ZHX2: variants seen among roughly 807,000 people sequenced by gnomAD.
The protein encoded by ZHX2 is zinc fingers and homeoboxes 2, also known as zinc fingers and homeoboxes protein 2.
A neutral mutation model predicts 21.9 loss-of-function variants in ZHX2; 6 were observed. The ratio of observed to expected loss-of-function variants is 0.27; its 90% CI spans 0.15 to 0.54. The LOEUF (loss-of-function observed/expected upper bound fraction) is 0.54, where lower values mean the gene tolerates loss of function less well. Ranked by LOEUF, ZHX2 falls within the 20% of genes least tolerant of loss-of-function variation. The pLI, the probability that ZHX2 is intolerant of heterozygous loss-of-function variation, is 0.95. For missense variants in ZHX2, 908 were observed against 1,090.7 expected, an observed-to-expected ratio of 0.83 and a Z score of 2.36; for synonymous variants, 434 against 437.1, an observed-to-expected ratio of 0.99 and a Z score of 0.09.
At chr8:122,960,613 C>T (rs1033625040) in intron 3 of ZHX2, among the ~76,000 whole-genome samples, 26 of 152,070 alleles carry the variant, frequency 1.7e-4, no homozygotes, top group Admixed American at 1.3e-4. Flanking sequence ...GACCAACATG[C>T]AGGAGCATGC....
At chr8:122,833,771 T>C (rs1049529292) in intron 1 of ZHX2, among the ~76,000 whole-genome samples, 4 of 151,562 alleles carry the variant, frequency 2.6e-5, no homozygotes, top group Admixed American at 1.3e-4. Flanking sequence ...CCGAGGCGGG[T>C]GGATCACGAG....
intron 3 of ZHX2, among the ~76,000 whole-genome samples, chr8:122,969,750 TAATC>T (rs894855315): frequency 1.3e-5 from 2 of 152,180 alleles, no homozygotes; most frequent in African/African-American, 4.8e-5. Flanking sequence ...TATGGAGAGA[TAATC>T]AATCACTCTC....
chr8:122,961,259 C>T (rs1206750567), intron 3 of ZHX2, among the ~76,000 whole-genome samples: 1 of 152,278 alleles, frequency 6.6e-6, no homozygotes, highest in African/African-American at 2.4e-5. Flanking sequence ...TCTTCTTTTT[C>T]TTGTAAGGAC....
intron 1 of ZHX2, among the ~76,000 whole-genome samples, chr8:122,793,326 C>G (rs1292507097): frequency 6.6e-6 from 1 of 152,198 alleles, no homozygotes. Context: ...ACTGGACATC[C>G]AGGCCCTCTT....
chr8:122,832,364 T>G (rs551002911), intron 1 of ZHX2, among the ~76,000 whole-genome samples: 1 of 152,282 alleles, frequency 6.6e-6, no homozygotes, highest in South Asian at 2.1e-4. Flanking sequence ...CTGCCGCCAA[T>G]GCTCAGAGGC....
chr8:122,846,211 C>G (rs1301057063), intron 1 of ZHX2, among the ~76,000 whole-genome samples: 1 of 152,126 alleles, frequency 6.6e-6, no homozygotes, highest in African/African-American at 2.4e-5. Context: ...TCAGGAGGAA[C>G]CTGTTGGAGG....
At chr8:122,844,085 C>T (rs1818698912) in intron 1 of ZHX2, among the ~76,000 whole-genome samples, 1 of 152,120 alleles carries the variant, frequency 6.6e-6, no homozygotes, top group South Asian at 2.1e-4. Flanking sequence ...CATCTCCTAC[C>T]ACGTCTGCCT....
intron 1 of ZHX2, chr8:122,810,390 T>C (rs7830373): frequency 0.26 from 40,239 of 152,214 alleles, 5,568 homozygotes; most frequent in African/African-American, 0.35. Flanking sequence ...GTGGTCACTA[T>C]CATTTCACTG....
rs532141821 is a variant in ZHX2 at position 122,845,382 on chromosome 8, C to T, written c.-282-18095C>T. ...TGTTTATAATTTTAATGAGATCTCA[C>T]TAGGCTTCTAACAATCTGACTGCAT... On this transcript the variant is annotated intron_variant, in intron 1 of 3. Coordinates refer to ENST00000314393, the MANE Select transcript of ZHX2 (RefSeq NM_014943.5). 7.4e-4 allele frequency among the ~76,000 whole-genome samples: 112 copies of T among 152,306 alleles called. 1 individual carries two copies. The highest frequency in any genetic ancestry group is 2.6e-3 in the African/African-American group (110 of 41,564).
chr8:122,853,285 T>A (rs1322137603), intron 1 of ZHX2, among the ~76,000 whole-genome samples: 3 of 152,200 alleles, frequency 2.0e-5, no homozygotes, highest in African/African-American at 7.2e-5. Context: ...TTTCACATCG[T>A]ATTTCCTTCT....
chr8:122,908,458 C>T (rs1025078623), intron 2 of ZHX2, among the ~76,000 whole-genome samples: 3 of 152,180 alleles, frequency 2.0e-5, no homozygotes, highest in African/African-American at 4.8e-5. Flanking sequence ...GTTCCACCCA[C>T]CTCGGCCTCC....
At position 122,947,092 on chromosome 8, in the gene ZHX2, CAAAAAAAA is replaced by C. The variant is rs57090731; in HGVS notation, c.-219-4183_-219-4176del. ...GCAACAGGGTGAAATCCTGTCTTTG[CAAAAAAAA>C]AAAAAAAAAAAAAAAATTAGTCAGG... On this transcript the variant is annotated intron_variant, in intron 2 of 3. Coordinates refer to ENST00000314393, the MANE Select transcript of ZHX2 (RefSeq NM_014943.5). Among the ~76,000 whole-genome samples, 64 of 67,282 alleles carry C rather than the reference CAAAAAAAA, an allele frequency of 9.5e-4. No individual in the cohort carries two copies. The East Asian group carries it at 0.023, about 24-fold the overall frequency. 44.1% of individuals were successfully genotyped at this position (67,282 alleles called of 152,430 possible). A position where few individuals can be genotyped will look rare whatever the true frequency, so the allele number is the denominator to read the frequency against.
intron 3 of ZHX2, among the ~76,000 whole-genome samples, chr8:122,971,304 T>C (rs1813714610): frequency 1.3e-5 from 2 of 150,916 alleles, no homozygotes; most frequent in East Asian, 2.0e-4. Context: ...TTTTTTTTTT[T>C]CCTGGTGAAA....
At chr8:122,852,154 G>C (rs1417234213) in intron 1 of ZHX2, among the ~76,000 whole-genome samples, 1 of 152,134 alleles carries the variant, frequency 6.6e-6, no homozygotes. Flanking sequence ...ATACAGGTGC[G>C]TGAATGTGTC....
chr8:122,938,512 G>A (rs989058225), intron 2 of ZHX2, among the ~76,000 whole-genome samples: 2 of 152,006 alleles, frequency 1.3e-5, no homozygotes, highest in African/African-American at 2.4e-5. Flanking sequence ...AGGGCATGGC[G>A]AGGCACCTAC....
intron 1 of ZHX2, chr8:122,809,000 T>G (rs1817875644): frequency 6.6e-6 from 1 of 152,228 alleles, no homozygotes; most frequent in Non-Finnish European, 1.5e-5. Flanking sequence ...GGATTGGTCT[T>G]TTTTGCAACC....
At chr8:122,857,777 G>C (rs1563756428) in intron 1 of ZHX2, among the ~76,000 whole-genome samples, 1 of 152,248 alleles carries the variant, frequency 6.6e-6, no homozygotes, top group Middle Eastern at 3.4e-3. Flanking sequence ...TAATCTCGCA[G>C]GTTCAGGTTT....
At chr8:122,830,304 G>C (rs974180325) in intron 1 of ZHX2, among the ~76,000 whole-genome samples, 2 of 152,188 alleles carry the variant, frequency 1.3e-5, no homozygotes, top group Non-Finnish European at 2.9e-5. Flanking sequence ...GTGTCTTCCA[G>C]CTGGCCTTCT....
rs1813116746 is a variant in ZHX2 at position 122,951,716 on chromosome 8, G to T, written c.206G>T (p.Ser69Ile). 6.2e-7 allele frequency: 1 copy of T among 1,613,948 alleles called. No homozygotes were observed. Among genetic ancestry groups the T allele is most frequent in the East Asian group, 2.2e-5 (1 of 44,884 alleles). Reference sequence around the variant, plus strand: ...ATAGAGGTGAAATCTATGGGGGAAAGCCAGTCCAAAAAACTCCAAGGTGGT... The same window carrying T: ...ATAGAGGTGAAATCTATGGGGGAAATCCAGTCCAAAAAACTCCAAGGTGGT... Reference protein sequence around the residue: ...EVIEVKSMGESQSKKLQGGYE... With the variant: ...EVIEVKSMGEIQSKKLQGGYE... Residue 69 changes from serine to isoleucine, a missense_variant, in exon 3 of 4, where the codon AGC (serine) becomes ATC (isoleucine). Physicochemically the swap from Ser to Ile is moderately radical, Grantham distance 142. Around this residue, in one of 4 missense-constraint regions of ZHX2, gnomAD observed 220 missense variants for 251.4 expected, o/e 0.88. Transcript: ENST00000314393.
Sources: allele counts gnomAD v4.1 joint callset (sites outside exome capture counted in the v4.1 genomes callset), GRCh38; gene constraint gnomAD v4.1.1; regional missense constraint gnomAD v4.1.1; transcripts MANE v1.5; gene names NCBI Gene and HGNC (gene_info 2026-07-23, HGNC 2026-07-21).